The following SAE1 variants were observed in gnomAD, a reference collection of about 807,000 sequenced individuals.
SAE1 encodes SUMO-activating enzyme subunit 1.
In SAE1, 11 loss-of-function variants were observed where a neutral mutation model predicts 40.6. That is an observed-to-expected ratio of 0.27 (90% CI 0.17 to 0.45). The LOEUF is 0.45. Ranked by LOEUF, SAE1 falls within the 20% of genes least tolerant of loss-of-function variation. SAE1 has a pLI of 1.00. For synonymous variants in SAE1, 155 were observed against 154.3 expected, an observed-to-expected ratio of 1.00 and a Z score of -0.03; for missense variants, 373 against 427.3, an observed-to-expected ratio of 0.87 and a Z score of 1.12.
chr19:47,139,832 A>C (rs1171632000), intron 1 of SAE1, among the ~76,000 whole-genome samples: 2 of 144,126 alleles, frequency 1.4e-5, no homozygotes, highest in East Asian at 4.1e-4. Context: ...CAATCTCCTG[A>C]CCTCGTGATC....
intron 2 of SAE1, among the ~76,000 whole-genome samples, chr19:47,148,467 T>C (rs1012332356): frequency 1.3e-5 from 2 of 152,022 alleles, no homozygotes; most frequent in Non-Finnish European, 2.9e-5. Context: ...AGAAATACTT[T>C]GAGAGCAGTA....
intron 5 of SAE1, among the ~76,000 whole-genome samples, chr19:47,164,639 C>CTTTTTTTTTTTT (rs1166301382): frequency 5.5e-4 from 43 of 78,394 alleles, no homozygotes; most frequent in African/African-American, 2.3e-3. Flanking sequence ...GAGAATTCAC[C>CTTTTTTTTTTTT]TTTTTTTTTT....
At chr19:47,168,793 G>A (rs464328) in intron 5 of SAE1, among the ~76,000 whole-genome samples, 7 of 152,182 alleles carry the variant, frequency 4.6e-5, no homozygotes, top group East Asian at 1.9e-4. Flanking sequence ...TAATAGAGAC[G>A]GGGTTTCACT....
intron 2 of SAE1, among the ~76,000 whole-genome samples, chr19:47,145,525 AG>A (rs2058250509): frequency 6.6e-6 from 1 of 152,136 alleles, no homozygotes; most frequent in Non-Finnish European, 1.5e-5. Flanking sequence ...CTCATCTTCA[AG>A]GTGAAAATAA....
intron 5 of SAE1, among the ~76,000 whole-genome samples, chr19:47,161,770 A>G (rs953901992): frequency 1.3e-5 from 2 of 152,162 alleles, no homozygotes; most frequent in South Asian, 2.1e-4. Context: ...TCTCATTCCT[A>G]TGCATTTCTT....
rs1043210715 is a variant in SAE1, at chr19:47,210,087, G to A, written c.*836G>A. The A allele has an allele frequency of 6.6e-6, 1 of 152,168 alleles. No homozygotes were observed. The highest frequency in any genetic ancestry group is 6.5e-5 in the Admixed American group (1 of 15,268). The allele number at this position is 152,168 out of a possible 1,614,324, so 9.4% of individuals were successfully genotyped here. On this transcript the variant is annotated 3_prime_UTR_variant, in exon 9 of 9. Transcript: ENST00000270225. The stretch of plus-strand genomic sequence containing the variant: ...GCTGTTGCATTTCAGGGCTATGTTG[G>A]TCCTTTGTTTACCTCCTAAACCACA...
At chr19:47,191,794 A>C (rs542164900) in intron 6 of SAE1, among the ~76,000 whole-genome samples, 1 of 151,762 alleles carries the variant, frequency 6.6e-6, no homozygotes, top group Non-Finnish European at 1.5e-5. Context: ...GGTGGCTCAC[A>C]CCTGTAATCC....
At chr19:47,133,040 C>T (rs2058156436) in intron 1 of SAE1, among the ~76,000 whole-genome samples, 1 of 152,154 alleles carries the variant, frequency 6.6e-6, no homozygotes, top group African/African-American at 2.4e-5. Context: ...GCCCTGTGGT[C>T]ATCTGGGAGA....
chr19:47,155,054 TGA>T, intron 4 of SAE1, 58 bp from the exon 5 acceptor site: 4 of 1,092,778 alleles, frequency 3.7e-6, no homozygotes, highest in Admixed American at 3.7e-5. Context: ...AGGCTTTTTT[TGA>T]TTCCAATAAC....
At chr19:47,168,313 T>C (rs1315677034) in intron 5 of SAE1, among the ~76,000 whole-genome samples, 3 of 151,764 alleles carry the variant, frequency 2.0e-5, no homozygotes, top group Non-Finnish European at 4.4e-5. Context: ...TCAGTCTGTA[T>C]TTTTTTCTCT....
chr19:47,154,480 CTTTTTTTTT>C (rs57870733), intron 4 of SAE1, among the ~76,000 whole-genome samples: 19 of 51,576 alleles, frequency 3.7e-4, no homozygotes, highest in African/African-American at 5.0e-4. Flanking sequence ...TTAAGTTTGG[CTTTTTTTTT>C]TTTTTTTTTT....
intron 7 of SAE1, among the ~76,000 whole-genome samples, chr19:47,199,987 A>G (rs1289974502): frequency 6.7e-6 from 1 of 150,274 alleles, no homozygotes; most frequent in Non-Finnish European, 1.5e-5. Flanking sequence ...CTGGAGTGCG[A>G]TGGCATGATC....
chr19:47,155,246 C>A, intron 5 of SAE1, 33 bp downstream of exon 5: 1 of 1,456,788 alleles, frequency 6.9e-7, no homozygotes, highest in African/African-American at 1.4e-5. Flanking sequence ...GGTCAGAAAC[C>A]CTGGGGCCTT....
intron 6 of SAE1, among the ~76,000 whole-genome samples, chr19:47,174,857 G>A (rs1285597861): frequency 1.3e-5 from 2 of 151,868 alleles, no homozygotes; most frequent in African/African-American, 4.8e-5. Context: ...ACAGGCGTGA[G>A]CCACCGCGCC....
intron 4 of SAE1, among the ~76,000 whole-genome samples, chr19:47,153,363 C>G (rs540615275): frequency 6.6e-5 from 10 of 152,288 alleles, no homozygotes; most frequent in African/African-American, 2.4e-4. Flanking sequence ...AGAGACTCCT[C>G]TGGTAGAACA....
intron 1 of SAE1, among the ~76,000 whole-genome samples, chr19:47,140,152 G>C (rs2058211451): frequency 6.7e-6 from 1 of 150,030 alleles, no homozygotes; most frequent in Non-Finnish European, 1.5e-5. Flanking sequence ...TGTTGCCCAG[G>C]ATGGAATGCA....
At chr19:47,133,500 C>A (rs546861478) in intron 1 of SAE1, among the ~76,000 whole-genome samples, 2 of 152,290 alleles carry the variant, frequency 1.3e-5, no homozygotes, top group Admixed American at 1.3e-4. Flanking sequence ...GCTGTGATTA[C>A]AGGCGTGAGC....
chr19:47,182,779 G>C (rs1399689194), intron 6 of SAE1, among the ~76,000 whole-genome samples: 1 of 152,142 alleles, frequency 6.6e-6, no homozygotes, highest in Non-Finnish European at 1.5e-5. Flanking sequence ...CACACATTGT[G>C]AATTAATAGT....
At chr19:47,133,965 C>G (rs978657010) in intron 1 of SAE1, among the ~76,000 whole-genome samples, 7 of 151,520 alleles carry the variant, frequency 4.6e-5, no homozygotes, top group African/African-American at 1.7e-4. Flanking sequence ...CAGGTTCAAG[C>G]AATTCTCCTG....
Sources: allele counts gnomAD v4.1 joint callset (sites outside exome capture counted in the v4.1 genomes callset), GRCh38; gene constraint gnomAD v4.1.1; transcripts MANE v1.5; gene names NCBI Gene and HGNC (gene_info 2026-07-23, HGNC 2026-07-21).